Variants in SCFD1 observed in about 807,000 individuals in gnomAD.
The protein encoded by SCFD1 is sec1 family domain-containing protein 1.
SCFD1 carries 37 observed loss-of-function variants against 103.2 expected under a neutral mutation model. That is an observed-to-expected ratio of 0.36 (90% CI 0.28 to 0.47). The LOEUF is 0.47. Among genes scored for constraint, SCFD1 ranks in the 20% least tolerant of loss-of-function variants. The pLI is 1.00. For missense variants in SCFD1, 639 were observed against 761.2 expected, an observed-to-expected ratio of 0.84 and a Z score of 1.89; for synonymous variants, 264 against 245.0, an observed-to-expected ratio of 1.08 and a Z score of -0.73.
At chr14:30,723,313 C>T (rs528117107) in intron 23 of SCFD1, among the ~76,000 whole-genome samples, 1 of 152,096 alleles carries the variant, frequency 6.6e-6, no homozygotes, top group East Asian at 1.9e-4. Flanking sequence ...TCATAGGACA[C>T]GCTTCATCTT....
intron 20 of SCFD1, among the ~76,000 whole-genome samples, chr14:30,716,882 G>A (rs1258008838): frequency 6.6e-6 from 1 of 152,144 alleles, no homozygotes; most frequent in African/African-American, 2.4e-5. Context: ...AGGAATGGGA[G>A]AATCATTTAT....
At chr14:30,729,084 A>C (rs926977133) in intron 23 of SCFD1, among the ~76,000 whole-genome samples, 1 of 151,832 alleles carries the variant, frequency 6.6e-6, no homozygotes, top group East Asian at 1.9e-4. Context: ...TCCATTTTTA[A>C]TTGGGTTATT....
At chr14:30,645,706 A>T (rs1173822179) in intron 7 of SCFD1, among the ~76,000 whole-genome samples, 7 of 152,196 alleles carry the variant, frequency 4.6e-5, no homozygotes, top group Admixed American at 4.6e-4. Context: ...GAAGCTGCTT[A>T]TTAGTTCTGG....
At chr14:30,722,624 T>G in intron 23 of SCFD1, 65 bp downstream of exon 23, 1 of 935,710 alleles carries the variant, frequency 1.1e-6, no homozygotes, top group South Asian at 1.7e-5. Context: ...ACTAGCATAC[T>G]CTGATGGCTA....
At chr14:30,635,119 T>C in intron 4 of SCFD1, 1 of 372,306 alleles carries the variant, frequency 2.7e-6, no homozygotes, top group Non-Finnish European at 5.2e-6. Context: ...TAGTGACGTT[T>C]GCAAATTTTG....
At chr14:30,716,633 A>T (rs888119274) in intron 20 of SCFD1, among the ~76,000 whole-genome samples, 1 of 152,248 alleles carries the variant, frequency 6.6e-6, no homozygotes, top group Admixed American at 6.5e-5. Context: ...AACAGGCAGC[A>T]TGAGCCTACC....
intron 14 of SCFD1, among the ~76,000 whole-genome samples, chr14:30,681,023 A>G (rs974925339): frequency 1.3e-5 from 2 of 152,170 alleles, no homozygotes; most frequent in African/African-American, 4.8e-5. Flanking sequence ...ACTTCAGGCC[A>G]GGAGACCGGC....
rs998358955 is a variant in SCFD1, at chr14:30,721,384, A to T, written c.1737-500A>T. Reference sequence around the variant, plus strand: ...TTTATAATACTTTGGTGTCTAAGAGATCTTTAATAAATAAGCTACAGCAAA... The same window carrying T: ...TTTATAATACTTTGGTGTCTAAGAGTTCTTTAATAAATAAGCTACAGCAAA... On this transcript the variant is annotated intron_variant, in intron 21 of 24. Coordinates refer to ENST00000458591, the MANE Select transcript of SCFD1 (RefSeq NM_016106.4). Among the ~76,000 whole-genome samples, 4 of 152,200 alleles carry T rather than the reference A, an allele frequency of 2.6e-5. No homozygotes were observed. The South Asian group carries it at 8.3e-4, about 32-fold the overall frequency.
intron 24 of SCFD1, 151 bp from the exon 25 acceptor site, chr14:30,735,435 G>T: frequency 1.6e-6 from 1 of 639,988 alleles, no homozygotes; most frequent in East Asian, 3.0e-5. Context: ...TTTAACATTT[G>T]AGTTAGTGGT....
intron 3 of SCFD1, 36 bp from the exon 4 acceptor site, chr14:30,633,911 A>T (rs374133174): frequency 1.7e-4 from 211 of 1,232,134 alleles, no homozygotes; most frequent in Non-Finnish European, 2.2e-4. Context: ...AAATAAGTGA[A>T]TAAAAAAATA....
chr14:30,674,094 C>G, intron 13 of SCFD1, 97 bp downstream of exon 13: 2 of 780,350 alleles, frequency 2.6e-6, no homozygotes, highest in African/African-American at 1.8e-5. Context: ...TAGTAGGAAA[C>G]TGTAGGCAAT....
At chr14:30,677,800 C>T (rs7157968) in intron 14 of SCFD1, among the ~76,000 whole-genome samples, 125,122 of 145,662 alleles carry the variant, frequency 0.86, 53,881 homozygotes, top group East Asian at 0.96. Flanking sequence ...GCTTTACTTA[C>T]TTGTGAACAT....
chr14:30,658,191 G>A, intron 10 of SCFD1: 1 of 436,658 alleles, frequency 2.3e-6, no homozygotes, highest in Non-Finnish European at 4.6e-6. Flanking sequence ...CAAATCTTAG[G>A]TTCTCTTTTT....
chr14:30,629,181 C>T (rs1035179011), intron 2 of SCFD1, among the ~76,000 whole-genome samples: 1 of 152,124 alleles, frequency 6.6e-6, no homozygotes, highest in African/African-American at 2.4e-5. Flanking sequence ...TCCTACCCAT[C>T]ACTTTTTATA....
Position 30,649,593 on chromosome 14 carries a change from T to TG in SCFD1, c.669+11dup. On this transcript the variant is annotated intron_variant, in intron 8 of 24. Transcript: ENST00000458591. Reference sequence around the variant, plus strand: ...AGAAATGGTAGCAGTGGTAAGTTCATGCGGATATCACGTGGAGATAAATAA... The same window carrying TG: ...AGAAATGGTAGCAGTGGTAAGTTCATGGCGGATATCACGTGGAGATAAATAA... 6.4e-7 allele frequency: 1 copy of TG among 1,565,736 alleles called. No homozygotes were observed. Among genetic ancestry groups the TG allele is most frequent in the Non-Finnish European group, 8.6e-7 (1 of 1,161,024 alleles).
chr14:30,734,397 C>G (rs1216764941), intron 23 of SCFD1: 1 of 225,016 alleles, frequency 4.4e-6, no homozygotes, highest in African/African-American at 2.3e-5. Context: ...GCCACCTGCA[C>G]CATAGCCCAC....
At chr14:30,735,035 T>C in intron 24 of SCFD1, 177 bp downstream of exon 24, 1 of 542,850 alleles carries the variant, frequency 1.8e-6, no homozygotes, top group Non-Finnish European at 3.3e-6. Context: ...TAAGTAATAA[T>C]GTTTCCAGTA....
chr14:30,678,602 ATTC>A (rs767148683), intron 14 of SCFD1, among the ~76,000 whole-genome samples: 9 of 152,182 alleles, frequency 5.9e-5, no homozygotes, highest in Non-Finnish European at 1.0e-4. Context: ...TGTTTTAATT[ATTC>A]TTAGCTCACC....
At chr14:30,726,903 G>C (rs1296608449) in intron 23 of SCFD1, among the ~76,000 whole-genome samples, 1 of 152,102 alleles carries the variant, frequency 6.6e-6, no homozygotes, top group Non-Finnish European at 1.5e-5. Context: ...GCCCAAATTG[G>C]TTTAACCATT....
Sources: gnomAD v4.1 joint callset for allele counts (sites outside exome capture counted in the v4.1 genomes callset) on GRCh38, gnomAD v4.1.1 for gene constraint, MANE v1.5 for transcripts, NCBI Gene and HGNC (gene_info 2026-07-23, HGNC 2026-07-21) for gene names.